Variants in GPC5 observed in about 807,000 individuals in gnomAD.
The protein encoded by GPC5 is glypican 5.
Under a neutral mutation model 53.9 loss-of-function variants are expected in GPC5, and 47 were observed. The ratio of observed to expected loss-of-function variants is 0.87; its 90% CI spans 0.69 to 1.11. GPC5 has a LOEUF of 1.11. Ranked by LOEUF, GPC5 falls within the 50% of genes most tolerant of loss-of-function variation. The pLI, the probability that GPC5 is intolerant of heterozygous loss-of-function variation, is 0.00. For synonymous variants in GPC5, 286 were observed against 263.3 expected (o/e 1.09, Z -0.84); for missense variants, 748 against 713.1 (o/e 1.05, Z -0.56).
intron 7 of GPC5, among the ~76,000 whole-genome samples, chr13:92,838,575 A>C (rs1390054264): frequency 2.0e-5 from 3 of 152,132 alleles, no homozygotes; most frequent in Admixed American, 6.5e-5. Context: ...ACACAATTCA[A>C]GCAAAACTTA....
rs1050415789 is a variant in GPC5, at chr13:91,739,579, C to A, written c.1154+10914C>A. The stretch of plus-strand genomic sequence containing the variant: ...GAAAGCTCAAGTGGGGCTGGAGTAT[C>A]ATCTCCCAAGATTGCTTGCTCACAT... On this transcript the variant is annotated intron_variant, in intron 4 of 7. Coordinates refer to ENST00000377067, the MANE Select transcript of GPC5 (RefSeq NM_004466.6). Among the ~76,000 whole-genome samples, 3 of 151,132 alleles carry A rather than the reference C, an allele frequency of 2.0e-5. 1 individual carries two copies. Among genetic ancestry groups the A allele is most frequent in the African/African-American group, 7.4e-5 (3 of 40,530 alleles).
chr13:92,152,561 C>T (rs2041914585), intron 7 of GPC5, among the ~76,000 whole-genome samples: 1 of 151,910 alleles, frequency 6.6e-6, no homozygotes, highest in African/African-American at 2.4e-5. Context: ...CATGGTGAAA[C>T]CCTGGCTCTA....
intron 6 of GPC5, among the ~76,000 whole-genome samples, chr13:92,138,527 TAAAAAATA>T (rs1166398007): frequency 3.7e-5 from 1 of 26,726 alleles, no homozygotes; most frequent in Non-Finnish European, 1.1e-4. Flanking sequence ...CTCAAAAAAA[TAAAAAATA>T]AAAAATAAAA....
chr13:92,023,488 T>C (rs993832332), intron 6 of GPC5, among the ~76,000 whole-genome samples: 2 of 152,056 alleles, frequency 1.3e-5, no homozygotes, highest in Non-Finnish European at 2.9e-5. Context: ...TTGAACATTT[T>C]ATACCAGAAA....
At chr13:91,673,121 A>G (rs1035238324) in intron 2 of GPC5, among the ~76,000 whole-genome samples, 1 of 152,084 alleles carries the variant, frequency 6.6e-6, no homozygotes, top group African/African-American at 2.4e-5. Context: ...GGATGGGCCA[A>G]TAGGTACAGC....
At chr13:91,904,022 A>C (rs1253885744) in intron 5 of GPC5, among the ~76,000 whole-genome samples, 1 of 151,972 alleles carries the variant, frequency 6.6e-6, no homozygotes, top group African/African-American at 2.4e-5. Context: ...GCAAACCTAC[A>C]GTCTGCTAGT....
chr13:91,487,895 C>A (rs1883706021), intron 2 of GPC5, among the ~76,000 whole-genome samples: 1 of 149,778 alleles, frequency 6.7e-6, no homozygotes, highest in African/African-American at 2.5e-5. Context: ...AAGAGAATAC[C>A]ATGTGTACAT....
intron 2 of GPC5, among the ~76,000 whole-genome samples, chr13:91,498,570 G>C (rs559850030): frequency 4.5e-4 from 68 of 152,138 alleles, no homozygotes; most frequent in African/African-American, 1.5e-3. Flanking sequence ...AATGTAGTAG[G>C]TTGGGGAATC....
intron 6 of GPC5, among the ~76,000 whole-genome samples, chr13:92,123,721 A>G (rs2041670149): frequency 6.6e-6 from 1 of 152,230 alleles, no homozygotes; most frequent in African/African-American, 2.4e-5. Context: ...TAGTGACAAA[A>G]TTTATGAATG....
chr13:92,274,599 C>T (rs1174943990), intron 7 of GPC5, among the ~76,000 whole-genome samples: 1 of 152,112 alleles, frequency 6.6e-6, no homozygotes, highest in Non-Finnish European at 1.5e-5. Context: ...ACTCCAGGAT[C>T]TCTCAGAAGG....
rs184798451 is a variant in GPC5 at position 91,766,372 on chromosome 13, G to A, written c.1280+9952G>A. 3.4e-3 allele frequency among the ~76,000 whole-genome samples: 521 copies of A among 152,210 alleles called. 2 individuals carry two copies. The highest frequency in any genetic ancestry group is 0.012 in the African/African-American group (500 of 41,522). On this transcript the variant is annotated intron_variant, in intron 5 of 7. Coordinates refer to ENST00000377067, the MANE Select transcript of GPC5 (RefSeq NM_004466.6). The stretch of plus-strand genomic sequence containing the variant: ...TTCATTTCAGCTTCATGGGCATGTC[G>A]TGACTATTTAGTATTAGAAGCCTTC...
At chr13:92,695,934 T>A (rs1376379746) in intron 7 of GPC5, among the ~76,000 whole-genome samples, 2 of 151,998 alleles carry the variant, frequency 1.3e-5, no homozygotes, top group Non-Finnish European at 2.9e-5. Context: ...TACCTATGAG[T>A]GAGAACATGC....
At chr13:92,458,509 G>A (rs1341755722) in intron 7 of GPC5, among the ~76,000 whole-genome samples, 1 of 152,066 alleles carries the variant, frequency 6.6e-6, no homozygotes, top group Non-Finnish European at 1.5e-5. Context: ...ATGTTGGCAG[G>A]CTGGTCTTGA....
At chr13:91,700,711 T>C (rs1278209852) in intron 3 of GPC5, among the ~76,000 whole-genome samples, 1 of 152,208 alleles carries the variant, frequency 6.6e-6, no homozygotes, top group Non-Finnish European at 1.5e-5. Flanking sequence ...TCCAGGTTAC[T>C]CACTCCCATT....
At chr13:92,269,444 C>T (rs1264749250) in intron 7 of GPC5, among the ~76,000 whole-genome samples, 2 of 151,414 alleles carry the variant, frequency 1.3e-5, no homozygotes, top group South Asian at 2.1e-4. Context: ...CTCGCTCTGT[C>T]GTCCAGGCTG....
At chr13:92,420,153 T>A (rs1280399616) in intron 7 of GPC5, among the ~76,000 whole-genome samples, 1 of 152,176 alleles carries the variant, frequency 6.6e-6, no homozygotes, top group Non-Finnish European at 1.5e-5. Context: ...TAGATATATA[T>A]GGTATAAATA....
chr13:92,775,502 A>G (rs1875769702), intron 7 of GPC5, among the ~76,000 whole-genome samples: 1 of 152,132 alleles, frequency 6.6e-6, no homozygotes, highest in South Asian at 2.1e-4. Flanking sequence ...CTGCCAAAAA[A>G]ATTTATGCTT....
intron 7 of GPC5, among the ~76,000 whole-genome samples, chr13:92,483,553 G>A (rs922933067): frequency 3.3e-5 from 5 of 152,146 alleles, no homozygotes; most frequent in African/African-American, 1.2e-4. Context: ...TGAAGGCCGA[G>A]AAAATTACTG....
rs564474081 is a variant in GPC5, at chr13:92,007,618, G to T, written c.1401+99561G>T. On this transcript the variant is annotated intron_variant, in intron 6 of 7. Coordinates refer to ENST00000377067, the MANE Select transcript of GPC5 (RefSeq NM_004466.6). The stretch of plus-strand genomic sequence containing the variant: ...ATTTAAATTGTGTGTCTTTCAGGCT[G>T]TATATGGTTTATTTTAAAACACAAT... Among the ~76,000 whole-genome samples, 59 of 152,146 alleles carry T rather than the reference G, an allele frequency of 3.9e-4. 1 individual carries two copies. The highest frequency in any genetic ancestry group is 1.4e-3 in the African/African-American group (58 of 41,532).
Sources: allele counts gnomAD v4.1 joint callset (sites outside exome capture counted in the v4.1 genomes callset), GRCh38; gene constraint gnomAD v4.1.1; transcripts MANE v1.5; gene names NCBI Gene and HGNC (gene_info 2026-07-23, HGNC 2026-07-21).